SYNPO2: variants seen among roughly 807,000 people sequenced by gnomAD.
The protein encoded by SYNPO2 is synaptopodin 2.
SYNPO2 carries 56 observed loss-of-function variants against 85.0 expected under a neutral mutation model. That is an observed-to-expected ratio of 0.66 (90% CI 0.53 to 0.82). The LOEUF (loss-of-function observed/expected upper bound fraction) is 0.82. Among genes scored for constraint, SYNPO2 ranks in the 40% least tolerant of loss-of-function variants. The pLI is 0.00. For missense variants in SYNPO2, 1,575 were observed against 1,534.2 expected (o/e 1.03, Z -0.44); for synonymous variants, 602 against 591.1 (o/e 1.02, Z -0.27).
chr4:118,852,964 A>G (rs1731444997), intron 1 of SYNPO2, among the ~76,000 whole-genome samples: 1 of 152,250 alleles, frequency 6.6e-6, no homozygotes. Context: ...CATCAATTTC[A>G]TCAGAAAAGC....
intron 1 of SYNPO2, among the ~76,000 whole-genome samples, chr4:118,957,252 G>A (rs28396401): frequency 0.057 from 8,639 of 152,182 alleles, 281 homozygotes; most frequent in Middle Eastern, 0.16. Flanking sequence ...CCATGGCAGG[G>A]ACCTACTGAA....
At chr4:119,054,742 A>G (rs1739159736) in intron 4 of SYNPO2, among the ~76,000 whole-genome samples, 1 of 152,140 alleles carries the variant, frequency 6.6e-6, no homozygotes, top group South Asian at 2.1e-4. Context: ...ACTATTCACA[A>G]AGAACCAATC....
intron 1 of SYNPO2, among the ~76,000 whole-genome samples, chr4:118,928,340 G>GA (rs1346583212): frequency 6.6e-6 from 1 of 152,138 alleles, no homozygotes; most frequent in East Asian, 1.9e-4. Context: ...TACACTGAAG[G>GA]AAAAAACCCT....
chr4:118,979,649 C>T (rs1220086359), intron 1 of SYNPO2, among the ~76,000 whole-genome samples: 1 of 152,118 alleles, frequency 6.6e-6, no homozygotes, highest in Non-Finnish European at 1.5e-5. Context: ...GGTTGGATAT[C>T]CTTTCATTAT....
In SYNPO2 at chr4:119,036,834, A is replaced by G. The variant is rs1174004323; in HGVS notation, c.3252+4807A>G. Reference sequence around the variant, plus strand: ...CAGCACTACTCAGAGGCAATTGAATAAAGAGAAATTTAATTTTAAATATCA... The same window carrying G: ...CAGCACTACTCAGAGGCAATTGAATGAAGAGAAATTTAATTTTAAATATCA... On this transcript the variant is annotated intron_variant, in intron 4 of 4. Transcript: ENST00000307142. 10 of 1,062,046 alleles carry G rather than the reference A, an allele frequency of 9.4e-6. 1 individual carries two copies. In the South Asian group the frequency reaches 3.9e-4, roughly 42 times the overall value. 65.8% of individuals were successfully genotyped at this position (1,062,046 alleles called of 1,614,324 possible).
intron 4 of SYNPO2, among the ~76,000 whole-genome samples, chr4:119,049,989 G>A (rs2149199880): frequency 6.6e-6 from 1 of 152,054 alleles, no homozygotes; most frequent in Non-Finnish European, 1.5e-5. Flanking sequence ...AAATTTCTAA[G>A]ATCTTACTCC....
intron 1 of SYNPO2, among the ~76,000 whole-genome samples, chr4:118,977,770 T>C (rs1264687634): frequency 1.3e-5 from 2 of 152,232 alleles, no homozygotes; most frequent in Non-Finnish European, 2.9e-5. Flanking sequence ...ATGTAGGCCT[T>C]CTTTGAACGT....
At chr4:118,997,108 C>T (rs1194284219) in intron 1 of SYNPO2, among the ~76,000 whole-genome samples, 18 of 149,588 alleles carry the variant, frequency 1.2e-4, no homozygotes, top group African/African-American at 3.7e-4. Context: ...GGCGTAGTGG[C>T]GGGCGCCTGT....
intron 1 of SYNPO2, among the ~76,000 whole-genome samples, chr4:118,879,199 A>G (rs566404102): frequency 6.6e-6 from 1 of 152,214 alleles, no homozygotes; most frequent in Non-Finnish European, 1.5e-5. Flanking sequence ...TAAGAACGGT[A>G]ACACTCACCG....
rs540887882 is a variant in SYNPO2, at chr4:118,988,251, T to C, written c.106-35179T>C. 2.6e-5 allele frequency among the ~76,000 whole-genome samples: 4 copies of C among 152,274 alleles called. No homozygotes were observed. In the South Asian group the frequency reaches 6.2e-4, roughly 24 times the overall value. ...GCTTGTTGTATTTGTTCTATTTTGG[T>C]TTGGTTTTTAGGTTTTAATATTGTA... On this transcript the variant is annotated intron_variant, in intron 1 of 4. Transcript: ENST00000307142.
intron 4 of SYNPO2, among the ~76,000 whole-genome samples, chr4:119,052,535 C>T (rs1244535634): frequency 6.6e-6 from 1 of 152,182 alleles, no homozygotes; most frequent in East Asian, 1.9e-4. Flanking sequence ...ACTTTCTTCT[C>T]CTCTTTTATT....
chr4:118,984,716 G>C (rs1736152159), intron 1 of SYNPO2, among the ~76,000 whole-genome samples: 1 of 152,144 alleles, frequency 6.6e-6, no homozygotes, highest in South Asian at 2.1e-4. Context: ...CTTCCCTTCT[G>C]TAAGTTTCCT....
chr4:118,851,035 T>C (rs1731412031), intron 1 of SYNPO2: 1 of 398,344 alleles, frequency 2.5e-6, no homozygotes, highest in African/African-American at 2.1e-5. Context: ...GGTGCTTCAC[T>C]GTTTCTCAGC....
intron 1 of SYNPO2, 58 bp downstream of exon 1, chr4:118,889,199 C>T (rs1732284505): frequency 1.3e-6 from 2 of 1,484,918 alleles, no homozygotes; most frequent in Non-Finnish European, 1.9e-6. Flanking sequence ...TGAAAGCAAC[C>T]TGCTGATGGT....
intron 4 of SYNPO2, among the ~76,000 whole-genome samples, chr4:119,054,366 C>T (rs1454390673): frequency 2.0e-5 from 3 of 152,148 alleles, no homozygotes; most frequent in East Asian, 1.9e-4. Flanking sequence ...GTGTGATGGC[C>T]TTTTTGGGTA....
intron 1 of SYNPO2, among the ~76,000 whole-genome samples, chr4:119,011,716 C>T (rs899172080): frequency 1.1e-4 from 17 of 152,238 alleles, no homozygotes; most frequent in Non-Finnish European, 1.6e-4. Context: ...GTCATTTATT[C>T]GGCACATATT....
Position 119,031,185 on chromosome 4 carries a change from T to C in SYNPO2, c.2410T>C (p.Ser804Pro). 4 of 1,614,026 alleles carry C rather than the reference T, an allele frequency of 2.5e-6. No homozygotes were observed. Among genetic ancestry groups the C allele is most frequent in the Non-Finnish European group, 3.4e-6 (4 of 1,180,004 alleles). Reference protein sequence around the residue: ...TSNPSKGTVVSSIKIAQPSYP... With the variant: ...TSNPSKGTVVPSIKIAQPSYP... ...CAACCCATCAAAGGGCACCGTTGTC[T>C]CCTCCATCAAAATAGCCCAGCCTTC... Residue 804 changes from serine (S) to proline (P), a missense_variant, in exon 4 of 5, where the codon TCC becomes CCC. Ser to Pro is a moderately conservative substitution (Grantham distance 74). Around this residue, in one of 3 missense-constraint regions of SYNPO2, gnomAD observed 1,508 missense variants for 1,446.8 expected, o/e 1.04. Transcript: ENST00000307142.
At chr4:119,015,944 T>A (rs1192243284) in intron 1 of SYNPO2, among the ~76,000 whole-genome samples, 2 of 152,216 alleles carry the variant, frequency 1.3e-5, no homozygotes, top group Admixed American at 6.5e-5. Context: ...CATTTTCCTT[T>A]ATACAGGATA....
intron 1 of SYNPO2, among the ~76,000 whole-genome samples, chr4:118,930,655 C>G (rs1483876764): frequency 6.6e-6 from 1 of 151,152 alleles, no homozygotes; most frequent in Admixed American, 6.6e-5. Flanking sequence ...TGGCTCATGC[C>G]TGTAATCCCA....
Sources: gnomAD v4.1 joint callset for allele counts (sites outside exome capture counted in the v4.1 genomes callset) on GRCh38, gnomAD v4.1.1 for gene constraint, gnomAD v4.1.1 regional missense constraint, MANE v1.5 for transcripts, NCBI Gene and HGNC (gene_info 2026-07-23, HGNC 2026-07-21) for gene names.